Variants in NLRP7 observed in about 807,000 individuals in gnomAD.
NLRP7 encodes NLR family pyrin domain containing 7, also known as NACHT, LRR and PYD domains-containing protein 7.
In NLRP7, 72 loss-of-function variants were observed where a neutral mutation model predicts 85.5. That is an observed-to-expected ratio of 0.84 (90% CI 0.70 to 1.02). The LOEUF (loss-of-function observed/expected upper bound fraction) is 1.02. NLRP7 is among the 50% of genes least tolerant of loss of function. The pLI is 0.00. For missense variants in NLRP7, 1,243 were observed against 1,219.5 expected (o/e 1.02, Z -0.29); for synonymous variants, 550 against 505.2 (o/e 1.09, Z -1.19).
At chr19:54,956,749 G>C (rs2069870338) in intron 1 of NLRP7, among the ~76,000 whole-genome samples, 1 of 151,392 alleles carries the variant, frequency 6.6e-6, no homozygotes, top group South Asian at 2.1e-4. Context: ...AGCACTTTGG[G>C]AGGCCGAGGC....
At chr19:54,965,906 A>T in intron 1 of NLRP7, 1 of 99,550 alleles carries the variant, frequency 1.0e-5, no homozygotes, top group Non-Finnish European at 2.1e-5. Context: ...ACAGAGCAAG[A>T]CTCCATTAAA....
At chr19:54,923,694 C>A (rs1215186211) in exon 10 of NLRP7, 2 of 1,609,642 alleles carry the variant, frequency 1.2e-6, no homozygotes, top group Non-Finnish European at 1.7e-6. Flanking sequence ...ATCTTAGAGA[C>A]CCGAATCCCG....
intron 3 of NLRP7, 139 bp downstream of exon 3, chr19:54,940,792 A>G (rs946109565): frequency 1.4e-6 from 1 of 732,704 alleles, no homozygotes; most frequent in East Asian, 2.5e-5. Context: ...GAGCCACTAC[A>G]CTCCAGCCTG....
chr19:54,947,760 T>TGGCCCGGGTGGTCTAGGA, upstream of NLRP7: 1 of 789,606 alleles, frequency 1.3e-6, no homozygotes, highest in Non-Finnish European at 1.9e-6. Context: ...ATTCCCTTCC[T>TGGCCCGGGTGGTCTAGGA]AGACCACCCG....
chr19:54,951,410 G>A (rs1001488806), upstream of NLRP7, among the ~76,000 whole-genome samples: 1 of 151,946 alleles, frequency 6.6e-6, no homozygotes, highest in South Asian at 2.1e-4. Flanking sequence ...GCGGGGCATG[G>A]TAGTTCAACG....
intron 1 of NLRP7, among the ~76,000 whole-genome samples, chr19:54,954,471 A>C (rs2146273300): frequency 7.9e-6 from 1 of 126,066 alleles, no homozygotes; most frequent in African/African-American, 3.3e-5. Flanking sequence ...CGGAGCTTGC[A>C]GTGAGCCGAG....
intron 5 of NLRP7, among the ~76,000 whole-genome samples, chr19:54,937,466 C>G (rs1439035527): frequency 6.6e-6 from 1 of 151,700 alleles, no homozygotes; most frequent in East Asian, 1.9e-4. Flanking sequence ...CCGAGGCAGG[C>G]GCATCACCTT....
chr19:54,948,122 G>A (rs1437960754), upstream of NLRP7, among the ~76,000 whole-genome samples: 1 of 152,162 alleles, frequency 6.6e-6, no homozygotes, highest in Non-Finnish European at 1.5e-5. Flanking sequence ...GGTAGCTCAT[G>A]CCTGTAGTCC....
chr19:54,945,590 A>G (rs1281953810), intron 1 of NLRP7, among the ~76,000 whole-genome samples: 1 of 150,416 alleles, frequency 6.6e-6, no homozygotes. Context: ...TTTCCCAAGT[A>G]CATTTTTTTC....
chr19:54,941,886 G>A, intron 1 of NLRP7, 136 bp from the exon 2 acceptor site: 1 of 732,242 alleles, frequency 1.4e-6, no homozygotes, highest in Non-Finnish European at 2.1e-6. Flanking sequence ...TTAAGAGACT[G>A]AAAATCTGGC....
rs1228788180 is a variant in NLRP7, at chr19:54,962,847, C to T, written c.-77+3193G>A. On this transcript the variant is annotated intron_variant, in intron 1 of 2. Coordinates refer to the NLRP7 transcript ENST00000587103. The stretch of plus-strand genomic sequence containing the variant: ...ATCTCCTGACCTCGTGATCCGCCCG[C>T]CTCGGCCTCCCAAAGTGCTGGGATT... 4.6e-5 allele frequency among the ~76,000 whole-genome samples: 7 copies of T among 151,592 alleles called. 1 individual carries two copies. The highest frequency in any genetic ancestry group is 8.8e-5 in the Non-Finnish European group (6 of 67,868).
intron 9 of NLRP7, among the ~76,000 whole-genome samples, chr19:54,929,857 G>A (rs1244356151): frequency 6.6e-6 from 1 of 152,072 alleles, no homozygotes; most frequent in African/African-American, 2.4e-5. Context: ...GCTCACGCCT[G>A]TAATCCCAGC....
chr19:54,949,762 GTGA>G (rs2069611028), upstream of NLRP7, among the ~76,000 whole-genome samples: 1 of 152,136 alleles, frequency 6.6e-6, no homozygotes, highest in African/African-American at 2.4e-5. Flanking sequence ...TGCCAGCTAT[GTGA>G]TCAGCATTGC....
Position 54,926,865 on chromosome 19 carries a change from G to A in NLRP7, c.2811-2993C>T, listed in dbSNP as rs540581249. Among the ~76,000 whole-genome samples, 145 of 148,068 alleles carry A rather than the reference G, an allele frequency of 9.8e-4. 1 individual carries two copies. Among genetic ancestry groups the A allele is most frequent in the African/African-American group, 3.5e-3 (138 of 39,874 alleles). ...CAGGAGGCAGAGGTTGCACTGAGCC[G>A]AGATAGCGCCACTGCACTCCAGCCT... is the stretch of plus-strand genomic sequence containing the variant. On this transcript the variant is annotated intron_variant, in intron 9 of 9. Coordinates refer to ENST00000340844, the Ensembl canonical transcript of NLRP7.
In NLRP7 at chr19:54,923,744, CAA is replaced by C. The variant is rs762858119; in HGVS notation, c.2937_2938del (p.Phe979LeufsTer20). 2 of 1,612,750 alleles carry C rather than the reference CAA, an allele frequency of 1.2e-6. No individual in the cohort carries two copies. Among genetic ancestry groups the C allele is most frequent in the Admixed American group, 1.7e-5 (1 of 59,970 alleles). On this transcript the variant is annotated frameshift_variant, in exon 10 of 10. Coordinates refer to ENST00000340844, the Ensembl canonical transcript of NLRP7. LOFTEE classifies it high-confidence loss of function. ...CGTAGAGCGATCCCAGGCTGCTCAG[CAA>C]AAAAAGTCACAGCACGGAGGTGCCG...
chr19:54,935,816 G>T (rs577879461), intron 6 of NLRP7, among the ~76,000 whole-genome samples: 2 of 152,228 alleles, frequency 1.3e-5, no homozygotes, highest in East Asian at 3.9e-4. Flanking sequence ...AAAGTGCGAG[G>T]ATCATGCACT....
intron 8 of NLRP7, among the ~76,000 whole-genome samples, chr19:54,931,918 G>A (rs1602131913): frequency 6.6e-6 from 1 of 151,732 alleles, no homozygotes; most frequent in South Asian, 2.1e-4. Flanking sequence ...CAACAGCTTA[G>A]GCTCTGGGTT....
upstream of NLRP7, among the ~76,000 whole-genome samples, chr19:54,952,114 A>G (rs1247540301): frequency 6.6e-6 from 1 of 152,138 alleles, no homozygotes; most frequent in African/African-American, 2.4e-5. Flanking sequence ...TAGAATTATA[A>G]GGCTTTTGTT....
At chr19:54,951,790 G>C (rs559409779), upstream of NLRP7, among the ~76,000 whole-genome samples, 1 of 150,050 alleles carries the variant, frequency 6.7e-6, no homozygotes, top group Non-Finnish European at 1.5e-5. Flanking sequence ...TCGCTCTGTC[G>C]CCCAGGCTGG....
Sources: allele counts gnomAD v4.1 joint callset (sites outside exome capture counted in the v4.1 genomes callset), GRCh38; gene constraint gnomAD v4.1.1; transcripts MANE v1.5; gene names NCBI Gene and HGNC (gene_info 2026-07-23, HGNC 2026-07-21).